HNF4G: variants seen among roughly 807,000 people sequenced by gnomAD.
HNF4G encodes hepatocyte nuclear factor 4-gamma.
In HNF4G, 21 loss-of-function variants were observed where a neutral mutation model predicts 50.9. The ratio of observed to expected loss-of-function variants is 0.41; its 90% CI spans 0.29 to 0.59. The LOEUF is 0.59. Among genes scored for constraint, HNF4G ranks in the 20% least tolerant of loss-of-function variants. HNF4G has a pLI of 0.26. For synonymous variants in HNF4G, 198 were observed against 185.6 expected (o/e 1.07, Z -0.54); for missense variants, 527 against 559.4 (o/e 0.94, Z 0.58).
At chr8:75,556,121 C>A (rs1233542521) in intron 6 of HNF4G, 52 bp downstream of exon 6, 3 of 954,494 alleles carry the variant, frequency 3.1e-6, no homozygotes, top group Non-Finnish European at 3.2e-6. Flanking sequence ...TTTATTCTTG[C>A]AATATTATAC....
At chr8:75,556,725 C>G (rs574926903) in intron 6 of HNF4G, among the ~76,000 whole-genome samples, 146 of 152,264 alleles carry the variant, frequency 9.6e-4, no homozygotes, top group African/African-American at 3.4e-3. Context: ...ACTAGCTCTA[C>G]CTCTCTCTGG....
chr8:75,535,152 C>T (rs1030520068), upstream of HNF4G, among the ~76,000 whole-genome samples: 10 of 151,646 alleles, frequency 6.6e-5, no homozygotes, highest in Admixed American at 3.9e-4. Context: ...AATAGAATCC[C>T]ATCATAAGAG....
At chr8:75,441,458 C>G (rs1811284247) in intron 1 of HNF4G, among the ~76,000 whole-genome samples, 1 of 152,048 alleles carries the variant, frequency 6.6e-6, no homozygotes, top group Non-Finnish European at 1.5e-5. Context: ...GTTGTCCAGG[C>G]TGATGTCAAA....
chr8:75,484,712 G>A (rs80126309), intron 1 of HNF4G, among the ~76,000 whole-genome samples: 3,934 of 152,254 alleles, frequency 0.026, 84 homozygotes, highest in Admixed American at 0.048. Flanking sequence ...AGCAGTAACT[G>A]TGTCCTTGTT....
At chr8:75,439,749 G>A (rs1811230140) in intron 1 of HNF4G, among the ~76,000 whole-genome samples, 1 of 151,806 alleles carries the variant, frequency 6.6e-6, no homozygotes, top group African/African-American at 2.4e-5. Context: ...CCTTTATTAA[G>A]CATTATATCT....
rs537595978 is a variant in HNF4G, at chr8:75,520,796, T to G, written c.-23-23015T>G. Among the ~76,000 whole-genome samples the G allele has an allele frequency of 2.6e-5, 4 of 152,284 alleles. No individual in the cohort carries two copies. In the East Asian group the frequency reaches 5.8e-4, roughly 22 times the overall value. ...ATGTTTCTTTTTTTCTTCTACTATC[T>G]CTTTTTGCTTATTCTGGCTGCCAAA... is the stretch of plus-strand genomic sequence containing the variant. On this transcript the variant is annotated intron_variant, in intron 2 of 10. Coordinates refer to the HNF4G transcript ENST00000354370.
chr8:75,542,639 T>G (rs1038098483), intron 1 of HNF4G, among the ~76,000 whole-genome samples: 2 of 149,102 alleles, frequency 1.3e-5, no homozygotes, highest in Non-Finnish European at 1.5e-5. Flanking sequence ...TTTACGGGGG[T>G]TTGACATGCA....
rs575054583 is a variant in HNF4G at position 75,427,033 on chromosome 8, G to T, written c.-144+18871G>T. ...TTAAGTGGTTTTAGTTTTGAAAAAAGTTTTAGTTAATGTTCAATGATATTG... is the reference window on the plus strand; with the variant it reads ...TTAAGTGGTTTTAGTTTTGAAAAAATTTTTAGTTAATGTTCAATGATATTG... On this transcript the variant is annotated intron_variant, in intron 1 of 10. Coordinates refer to the HNF4G transcript ENST00000354370. Among the ~76,000 whole-genome samples, 4 of 152,208 alleles carry T rather than the reference G, an allele frequency of 2.6e-5. No homozygotes were observed. The East Asian group carries it at 7.7e-4, about 29-fold the overall frequency.
At chr8:75,553,311 G>T (rs1807023023) in intron 5 of HNF4G, 114 bp downstream of exon 5, 2 of 811,884 alleles carry the variant, frequency 2.5e-6, no homozygotes, top group Non-Finnish European at 3.8e-6. Flanking sequence ...TTTGGCAAAA[G>T]ATAAATTAGG....
chr8:75,449,486 C>A (rs1811523047), intron 1 of HNF4G, among the ~76,000 whole-genome samples: 1 of 148,654 alleles, frequency 6.7e-6, no homozygotes. Context: ...TGCATTATCT[C>A]AGTAATATAT....
intron 2 of HNF4G, among the ~76,000 whole-genome samples, chr8:75,521,493 T>C (rs902305488): frequency 6.6e-6 from 1 of 152,216 alleles, no homozygotes; most frequent in Non-Finnish European, 1.5e-5. Context: ...CCAACAGTCA[T>C]TTAATAATGG....
At position 75,553,209 on chromosome 8, in the gene HNF4G, A is replaced by G. The variant is rs1205201638; in HGVS notation, c.645+12A>G. 1.3e-6 allele frequency: 2 copies of G among 1,598,826 alleles called. No individual in the cohort carries two copies. The highest frequency in any genetic ancestry group is 1.7e-6 in the Non-Finnish European group (2 of 1,171,320). On this transcript the variant is annotated intron_variant, in intron 5 of 9. Coordinates refer to ENST00000396423, the MANE Select transcript of HNF4G (RefSeq NM_004133.5). ...CATTGGATGATCAGGTACACATTTA[A>G]AACTTTATAAATGCTTTAAAAATGC...
intron 3 of HNF4G, among the ~76,000 whole-genome samples, chr8:75,550,361 G>C (rs574958794): frequency 6.6e-6 from 1 of 151,742 alleles, no homozygotes; most frequent in East Asian, 1.9e-4. Context: ...CACTCAGGCT[G>C]GTGTGCAGTG....
chr8:75,536,249 T>A (rs1376549712), upstream of HNF4G, among the ~76,000 whole-genome samples: 2 of 151,978 alleles, frequency 1.3e-5, no homozygotes, highest in East Asian at 3.8e-4. Context: ...TTTATATATC[T>A]TTAGAAAATG....
intron 1 of HNF4G, among the ~76,000 whole-genome samples, chr8:75,412,620 G>A (rs73341154): frequency 0.014 from 2,135 of 152,148 alleles, 44 homozygotes; most frequent in African/African-American, 0.049. Context: ...ACAATTTAAT[G>A]TTTTAAGTAT....
rs1455962623 is a variant in HNF4G at position 75,448,360 on chromosome 8, C to A, written c.-144+40198C>A. Among the ~76,000 whole-genome samples, 6 of 143,552 alleles carry A rather than the reference C, an allele frequency of 4.2e-5. No individual in the cohort carries two copies. In the Admixed American group the frequency reaches 4.3e-4, roughly 10 times the overall value. The allele number at this position is 143,552 out of a possible 152,430, so 94.2% of individuals were successfully genotyped here. A position where few individuals can be genotyped will look rare whatever the true frequency, so the allele number is the denominator to read the frequency against. ...ATGACGAGTTGGTGCAGCGCACCAG[C>A]ATGGCACATGTATACATATGTAACT... On this transcript the variant is annotated intron_variant, in intron 1 of 10. Coordinates refer to the HNF4G transcript ENST00000354370.
At chr8:75,465,262 C>A (rs1011397745) in intron 1 of HNF4G, among the ~76,000 whole-genome samples, 1 of 152,124 alleles carries the variant, frequency 6.6e-6, no homozygotes, top group African/African-American at 2.4e-5. Context: ...ATATATAATG[C>A]TCACAAATTA....
At chr8:75,523,139 T>A (rs1024599873) in intron 2 of HNF4G, among the ~76,000 whole-genome samples, 4 of 151,800 alleles carry the variant, frequency 2.6e-5, no homozygotes, top group Admixed American at 6.6e-5. Flanking sequence ...GCAGGAGAAT[T>A]GCTTGAGCCT....
intron 2 of HNF4G, among the ~76,000 whole-genome samples, chr8:75,524,353 T>C (rs1806126502): frequency 6.6e-6 from 1 of 152,202 alleles, no homozygotes; most frequent in South Asian, 2.1e-4. Context: ...CAAAACATTC[T>C]ACTGTTGTGT....
Sources: gnomAD v4.1 joint callset for allele counts (sites outside exome capture counted in the v4.1 genomes callset) on GRCh38, gnomAD v4.1.1 for gene constraint, MANE v1.5 for transcripts, NCBI Gene and HGNC (gene_info 2026-07-23, HGNC 2026-07-21) for gene names.